Variants in GRID2IP observed in about 807,000 individuals in gnomAD.
The protein encoded by GRID2IP is delphilin.
Under a neutral mutation model 114.3 loss-of-function variants are expected in GRID2IP, and 78 were observed. The observed-to-expected ratio is 0.68, with a 90% CI of 0.57 to 0.82. The LOEUF (loss-of-function observed/expected upper bound fraction) is 0.82, where lower values mean the gene tolerates loss of function less well. Among genes scored for constraint, GRID2IP ranks in the 40% least tolerant of loss-of-function variants. GRID2IP has a pLI of 0.00. For missense variants in GRID2IP, 1,727 were observed against 1,678.5 expected, an observed-to-expected ratio of 1.03 and a Z score of -0.51; for synonymous variants, 809 against 724.0, an observed-to-expected ratio of 1.12 and a Z score of -1.89.
At chr7:6,500,223 G>A (rs1019382159) in intron 20 of GRID2IP, among the ~76,000 whole-genome samples, 23 of 152,004 alleles carry the variant, frequency 1.5e-4, no homozygotes, top group African/African-American at 5.6e-4. Context: ...CAGCACTTTG[G>A]GAGGCCGAGG....
chr7:6,517,050 GTCTT>G (rs1321445500), intron 7 of GRID2IP, among the ~76,000 whole-genome samples: 62 of 151,056 alleles, frequency 4.1e-4, no homozygotes, highest in African/African-American at 9.9e-4. Flanking sequence ...TTTGTCTTGT[GTCTT>G]TCTTTCTTTT....
At position 6,534,949 on chromosome 7, in the gene GRID2IP, G is replaced by A. The variant is rs547476080; in HGVS notation, c.584+4769C>T. Among the ~76,000 whole-genome samples the A allele has an allele frequency of 6.6e-6, 1 of 152,140 alleles. No homozygotes were observed. The highest frequency in any genetic ancestry group is 1.5e-5 in the Non-Finnish European group (1 of 68,030). The stretch of plus-strand genomic sequence containing the variant: ...TGCCCAGGCTGGAGTGCAATGGCAC[G>A]ATCTCGGCTCACTGCAATCTCCGCC... On this transcript the variant is annotated intron_variant, in intron 2 of 21. Coordinates refer to ENST00000457091, the MANE Select transcript of GRID2IP (RefSeq NM_001145118.2). This position sits in a 1 kb window ranked among gnomAD's most constrained non-coding sequence, Gnocchi z 4.5.
At position 6,551,314 on chromosome 7, in the gene GRID2IP, T is replaced by C; in HGVS notation, c.123A>G (p.Gly41=). ...GGATCTGGTCTCCTGGCCGCAGTCCTCCGGCATGCGCGCTGCTCCCCTTGG... is the reference window on the plus strand; with the variant it reads ...GGATCTGGTCTCCTGGCCGCAGTCCCCCGGCATGCGCGCTGCTCCCCTTGG... ...EVAKGSSAHA[G]GLRPGDQILE... Residue 41 remains glycine, a synonymous_variant, in exon 1 of 22, where the codon GGA becomes GGG. Transcript: ENST00000457091. 1 of 1,545,514 alleles carries C rather than the reference T, an allele frequency of 6.5e-7. No homozygotes were observed. Among genetic ancestry groups the C allele is most frequent in the South Asian group, 1.2e-5 (1 of 84,000 alleles).
rs1562512477 is a variant in GRID2IP, at chr7:6,506,040, CGGAGCA to C, written c.2545-139_2545-134del. The C allele has an allele frequency of 1.6e-6, 1 of 641,410 alleles. No individual in the cohort carries two copies. The highest frequency in any genetic ancestry group is 1.8e-5 in the African/African-American group (1 of 54,930). 39.7% of individuals were successfully genotyped at this position (641,410 alleles called of 1,614,324 possible). A position where few individuals can be genotyped will look rare whatever the true frequency, so the allele number is the denominator to read the frequency against. The stretch of plus-strand genomic sequence containing the variant: ...ACCCATCAGGTGCTGGGATAAAGCC[CGGAGCA>C]GGAGGAGACTGCAGGAGAAGCCAGA... On this transcript the variant is annotated intron_variant, in intron 13 of 21. Transcript: ENST00000457091. The surrounding 1 kb of genome is among the most constrained non-coding windows in gnomAD (Gnocchi z 5.2).
At chr7:6,549,710 T>C (rs1562527401) in intron 1 of GRID2IP, among the ~76,000 whole-genome samples, 1 of 151,832 alleles carries the variant, frequency 6.6e-6, no homozygotes, top group Non-Finnish European at 1.5e-5. Context: ...AACCTCCGTC[T>C]CCCAAGCTCA....
At position 6,534,422 on chromosome 7, in the gene GRID2IP, C is replaced by T. The variant is rs947589072; in HGVS notation, c.584+5296G>A. 1.3e-5 allele frequency among the ~76,000 whole-genome samples: 2 copies of T among 152,160 alleles called. No homozygotes were observed. The highest frequency in any genetic ancestry group is 1.9e-4 in the East Asian group (1 of 5,206). On this transcript the variant is annotated intron_variant, in intron 2 of 21. Coordinates refer to ENST00000457091, the MANE Select transcript of GRID2IP (RefSeq NM_001145118.2). This position sits in a 1 kb window ranked among gnomAD's most constrained non-coding sequence, Gnocchi z 4.5. ...AAGCCATTTTCTCACTTCATCAGAC[C>T]GGGGTCCCTTTGGGGAGAGACCCAA...
In GRID2IP at chr7:6,516,568, C is replaced by G. The variant is rs538805576; in HGVS notation, c.1269-2039G>C. 2.0e-5 allele frequency among the ~76,000 whole-genome samples: 3 copies of G among 151,974 alleles called. No individual in the cohort carries two copies. Among genetic ancestry groups the G allele is most frequent in the Non-Finnish European group, 2.9e-5 (2 of 68,014 alleles). ...GGAAGGCACCCGTTGCTTAGCAGACCGGGAAAGGGAGTCTCCCTTTCCTGG... is the reference window on the plus strand; with the variant it reads ...GGAAGGCACCCGTTGCTTAGCAGACGGGGAAAGGGAGTCTCCCTTTCCTGG... On this transcript the variant is annotated intron_variant, in intron 7 of 21. Transcript: ENST00000457091. This position sits in a 1 kb window ranked among gnomAD's most constrained non-coding sequence, Gnocchi z 4.3.
chr7:6,539,364 C>T (rs181998886), intron 2 of GRID2IP, among the ~76,000 whole-genome samples: 9 of 152,180 alleles, frequency 5.9e-5, no homozygotes, highest in Non-Finnish European at 1.2e-4. Context: ...TGGCCTCAAG[C>T]GGTTCTCCCA....
intron 2 of GRID2IP, among the ~76,000 whole-genome samples, chr7:6,529,249 G>A (rs1453678352): frequency 6.6e-6 from 1 of 152,106 alleles, no homozygotes; most frequent in Non-Finnish European, 1.5e-5. Flanking sequence ...TCAGGAGTTC[G>A]AGACCAGCCT....
At chr7:6,504,770 C>A in intron 15 of GRID2IP, 23 bp downstream of exon 15, 18 of 1,544,508 alleles carry the variant, frequency 1.2e-5, no homozygotes, top group Non-Finnish European at 1.6e-5. Context: ...CCCTACACCC[C>A]CTGGGGTTCC....
intron 4 of GRID2IP, among the ~76,000 whole-genome samples, chr7:6,522,768 C>T (rs1158481421): frequency 6.6e-6 from 1 of 151,402 alleles, no homozygotes. Context: ...ACCTCAGCCT[C>T]CTGAATAGGT....
At chr7:6,503,770 C>T (rs1249971203) in intron 15 of GRID2IP, 83 bp from the exon 16 acceptor site, 29 of 911,462 alleles carry the variant, frequency 3.2e-5, no homozygotes, top group African/African-American at 1.9e-4. Flanking sequence ...AGGGCAGAGG[C>T]GGGGAGAGGG....
intron 2 of GRID2IP, among the ~76,000 whole-genome samples, chr7:6,530,770 C>A (rs1471066126): frequency 6.6e-6 from 1 of 152,234 alleles, no homozygotes; most frequent in African/African-American, 2.4e-5. Flanking sequence ...CCTCGACCAG[C>A]CCAATTGTAG....
chr7:6,531,775 TC>T (rs1037041321), intron 2 of GRID2IP, among the ~76,000 whole-genome samples: 7 of 152,256 alleles, frequency 4.6e-5, no homozygotes, highest in African/African-American at 1.7e-4. Flanking sequence ...GTTTCATGGT[TC>T]CAGGAGAGGT....
chr7:6,508,514 G>A lies in GRID2IP; in HGVS notation c.2128-113C>T, dbSNP rs905248750. ...TGGGACAAGGACAGGGCCATCTCACGGGTTAGCCTCAGGCTGTGAGGGACA... is the reference window on the plus strand; with the variant it reads ...TGGGACAAGGACAGGGCCATCTCACAGGTTAGCCTCAGGCTGTGAGGGACA... On this transcript the variant is annotated intron_variant, in intron 12 of 21. Coordinates refer to ENST00000457091, the MANE Select transcript of GRID2IP (RefSeq NM_001145118.2). The surrounding 1 kb of genome is among the most constrained non-coding windows in gnomAD (Gnocchi z 5.6). The A allele has an allele frequency of 9.4e-6, 14 of 1,495,166 alleles. No homozygotes were observed. The highest frequency in any genetic ancestry group is 2.3e-4 in the Middle Eastern group (1 of 4,414). 92.6% of individuals were successfully genotyped at this position (1,495,166 alleles called of 1,614,324 possible).
Position 6,506,321 on chromosome 7 carries a change from C to A in GRID2IP, c.2545-414G>T, listed in dbSNP as rs991080088. ...GCAGAGTGAGCTGGTGCTGAGAGAA[C>A]TGCAACTGTGACAGCCTAGGGGCCA... On this transcript the variant is annotated intron_variant, in intron 13 of 21. Transcript: ENST00000457091. This position sits in a 1 kb window ranked among gnomAD's most constrained non-coding sequence, Gnocchi z 5.2. 1.3e-5 allele frequency among the ~76,000 whole-genome samples: 2 copies of A among 152,144 alleles called. No individual in the cohort carries two copies. The highest frequency in any genetic ancestry group is 4.8e-5 in the African/African-American group (2 of 41,428).
chr7:6,541,799 C>T (rs1048567738), intron 1 of GRID2IP, among the ~76,000 whole-genome samples: 11 of 152,136 alleles, frequency 7.2e-5, no homozygotes, highest in African/African-American at 2.7e-4. Context: ...TCCTTCTACC[C>T]AATGATCTCA....
At position 6,509,231 on chromosome 7, in the gene GRID2IP, A is replaced by G; in HGVS notation, c.1854T>C (p.Gly618=). 2 of 1,504,944 alleles carry G rather than the reference A, an allele frequency of 1.3e-6. No individual in the cohort carries two copies. The highest frequency in any genetic ancestry group is 1.8e-6 in the Non-Finnish European group (2 of 1,124,594). The allele number at this position is 1,504,944 out of a possible 1,614,324, so 93.2% of individuals were successfully genotyped here. A position where few individuals can be genotyped will look rare whatever the true frequency, so the allele number is the denominator to read the frequency against. Residue 618 remains glycine, a synonymous_variant, in exon 12 of 22, where the codon GGT becomes GGC. Transcript: ENST00000457091. This position sits in a 1 kb window ranked among gnomAD's most constrained non-coding sequence, Gnocchi z 4.9. ...SPCYHPLCSG[G]LASPSSSESH... ...ACTCAGAGCTGCTGGGGGAGGCCAGACCCCCCGAACACAGCGGGTGGTAGC... is the reference window on the plus strand; with the variant it reads ...ACTCAGAGCTGCTGGGGGAGGCCAGGCCCCCCGAACACAGCGGGTGGTAGC...
Position 6,498,276 on chromosome 7 carries a change from G to T in GRID2IP, c.3400-48C>A. The T allele has an allele frequency of 2.0e-6, 3 of 1,485,760 alleles. No homozygotes were observed. The South Asian group carries it at 4.0e-5, about 20-fold the overall frequency. The allele number at this position is 1,485,760 out of a possible 1,614,324, so 92.0% of individuals were successfully genotyped here. A position where few individuals can be genotyped will look rare whatever the true frequency, so the allele number is the denominator to read the frequency against. On this transcript the variant is annotated intron_variant, in intron 20 of 21. Transcript: ENST00000457091. ...ACAGCCAGCCCGCTTGTGCCCCCAG[G>T]GTCTCAGGTGGTGGCCCGACAGACA...
Sources: gnomAD v4.1 joint callset for allele counts (sites outside exome capture counted in the v4.1 genomes callset) on GRCh38, gnomAD v4.1.1 for gene constraint, Gnocchi (gnomAD v3.1) non-coding constraint, MANE v1.5 for transcripts, NCBI Gene and HGNC (gene_info 2026-07-23, HGNC 2026-07-21) for gene names.